The following FRAS1 variants were observed in gnomAD, a reference collection of about 807,000 sequenced individuals.
FRAS1 encodes the protein Fraser extracellular matrix complex subunit 1, also known as extracellular matrix organizing protein FRAS1.
Under a neutral mutation model 435.2 loss-of-function variants are expected in FRAS1, and 290 were observed. That is an observed-to-expected ratio of 0.67 (90% confidence interval 0.61 to 0.73). FRAS1 has a LOEUF of 0.73. FRAS1 is among the 30% of genes least tolerant of loss of function. The pLI is 0.00. For synonymous variants in FRAS1, 1,800 were observed against 1,851.0 expected, an observed-to-expected ratio of 0.97 and a Z score of 0.71; for missense variants, 4,860 against 5,001.5, an observed-to-expected ratio of 0.97 and a Z score of 0.85.
intron 2 of FRAS1, among the ~76,000 whole-genome samples, chr4:78,069,300 C>A (rs1259118733): frequency 1.3e-5 from 2 of 152,188 alleles, no homozygotes; most frequent in African/African-American, 2.4e-5. Context: ...TTGAAAATGG[C>A]AAAGCCTCAG....
intron 12 of FRAS1, 104 bp from the exon 13 acceptor site, chr4:78,284,301 G>A: frequency 1.5e-6 from 1 of 663,956 alleles, no homozygotes; most frequent in Non-Finnish European, 2.2e-6. Context: ...TGTTCTTCAT[G>A]TTCTATGTAA....
At chr4:78,478,572 G>C (rs572113876) in intron 55 of FRAS1, among the ~76,000 whole-genome samples, 2 of 152,174 alleles carry the variant, frequency 1.3e-5, no homozygotes, top group South Asian at 2.1e-4. Flanking sequence ...CATAGTAATT[G>C]TGCATGTTGA....
At chr4:78,100,233 T>C (rs1742053254) in intron 2 of FRAS1, among the ~76,000 whole-genome samples, 1 of 152,206 alleles carries the variant, frequency 6.6e-6, no homozygotes, top group South Asian at 2.1e-4. Flanking sequence ...AATGACCTGG[T>C]TGACCTCTCC....
intron 2 of FRAS1, among the ~76,000 whole-genome samples, chr4:78,134,109 C>T (rs1279841373): frequency 2.0e-5 from 3 of 151,968 alleles, no homozygotes; most frequent in African/African-American, 7.3e-5. Context: ...CAGGCGCCCA[C>T]CACCATGCCT....
At chr4:78,497,866 A>G (rs555021906) in intron 60 of FRAS1, among the ~76,000 whole-genome samples, 60 of 152,212 alleles carry the variant, frequency 3.9e-4, no homozygotes, top group Non-Finnish European at 7.2e-4. Context: ...TCAAAGTTGA[A>G]TTAGTCCTTG....
At chr4:78,226,896 A>G (rs1166257484) in intron 2 of FRAS1, among the ~76,000 whole-genome samples, 1 of 151,990 alleles carries the variant, frequency 6.6e-6, no homozygotes, top group South Asian at 2.1e-4. Flanking sequence ...TTTCTGCTTC[A>G]GTTTAGATAT....
intron 2 of FRAS1, among the ~76,000 whole-genome samples, chr4:78,235,144 G>A (rs1171550243): frequency 1.3e-5 from 2 of 152,146 alleles, no homozygotes; most frequent in African/African-American, 4.8e-5. Flanking sequence ...GATTGGATGA[G>A]TCCACCCATA....
rs563154908 is a variant in FRAS1 at position 78,259,534 on chromosome 4, G to A, written c.603+4159G>A. 4.5e-4 allele frequency among the ~76,000 whole-genome samples: 68 copies of A among 151,950 alleles called. 2 individuals are homozygous for A. In the South Asian group the frequency reaches 8.6e-3, roughly 19 times the overall value. Reference sequence around the variant, plus strand: ...TGAGAAGTGTCTGTTCATGTCCTTCGCTCACTTTTTGATAGGGTTGTTTGT... The same window carrying A: ...TGAGAAGTGTCTGTTCATGTCCTTCACTCACTTTTTGATAGGGTTGTTTGT... On this transcript the variant is annotated intron_variant, in intron 6 of 73. Coordinates refer to ENST00000512123, the MANE Select transcript of FRAS1 (RefSeq NM_025074.7).
chr4:78,166,224 C>T (rs983016471), intron 2 of FRAS1, among the ~76,000 whole-genome samples: 21 of 152,076 alleles, frequency 1.4e-4, no homozygotes, highest in African/African-American at 4.8e-4. Flanking sequence ...AAAATAAAGA[C>T]ACCCTTGAGG....
intron 2 of FRAS1, among the ~76,000 whole-genome samples, chr4:78,094,195 A>T (rs1741677914): frequency 6.6e-6 from 1 of 150,920 alleles, no homozygotes; most frequent in Non-Finnish European, 1.5e-5. Flanking sequence ...TATATTTTCA[A>T]AGAACTCTAG....
At chr4:78,283,744 CTTAA>C (rs1051463214) in intron 12 of FRAS1, among the ~76,000 whole-genome samples, 1 of 152,148 alleles carries the variant, frequency 6.6e-6, no homozygotes, top group Admixed American at 6.5e-5. Context: ...AACTTTATGG[CTTAA>C]TTATGTTACC....
rs137992303 is a variant in FRAS1 at position 78,253,688 on chromosome 4, C to T, written c.469+1137C>T. On this transcript the variant is annotated intron_variant, in intron 5 of 73. Coordinates refer to ENST00000512123, the MANE Select transcript of FRAS1 (RefSeq NM_025074.7). ...CTTGCACTTGGAAGGGCGCAGTGTC[C>T]CAGAGAGTGAGATTGGAACAAATCC... 2.0e-3 allele frequency among the ~76,000 whole-genome samples: 306 copies of T among 152,140 alleles called. 2 individuals carry two copies. Among genetic ancestry groups the T allele is most frequent in the African/African-American group, 7.0e-3 (290 of 41,520 alleles).
At chr4:78,170,664 C>A (rs189760545) in intron 2 of FRAS1, among the ~76,000 whole-genome samples, 88 of 152,182 alleles carry the variant, frequency 5.8e-4, no homozygotes, top group Non-Finnish European at 8.4e-4. Context: ...TGAGGAAATG[C>A]CCGAATGCAT....
chr4:78,372,688 A>C (rs777187135), intron 23 of FRAS1, 30 bp from the exon 24 acceptor site: 75 of 1,610,568 alleles, frequency 4.7e-5, no homozygotes, highest in Admixed American at 1.2e-4. Flanking sequence ...GACAGAAAGG[A>C]AGATAATCTA....
intron 2 of FRAS1, among the ~76,000 whole-genome samples, chr4:78,123,483 G>A (rs1405574332): frequency 6.6e-6 from 1 of 151,892 alleles, no homozygotes; most frequent in Admixed American, 6.6e-5. Context: ...TCCATATGAA[G>A]TTTTAAGTAG....
chr4:78,181,221 C>A, intron 2 of FRAS1: 1 of 1,609,892 alleles, frequency 6.2e-7, no homozygotes, highest in Non-Finnish European at 8.5e-7. Context: ...TTCCACTCAT[C>A]CAAAGTCATC....
intron 2 of FRAS1, chr4:78,072,125 T>C (rs947793617): frequency 2.0e-5 from 3 of 152,136 alleles, no homozygotes; most frequent in African/African-American, 7.2e-5. Flanking sequence ...ATTGTACATA[T>C]TCCATTAAAA....
intron 41 of FRAS1, chr4:78,444,308 G>A (rs762700864): frequency 1.8e-4 from 44 of 245,682 alleles, no homozygotes; most frequent in African/African-American, 8.4e-4. Context: ...GTCACTGGCC[G>A]CTTAGACCTC....
At chr4:78,163,086 TTCATGTATTGCTG>T (rs1721204690) in intron 2 of FRAS1, among the ~76,000 whole-genome samples, 1 of 152,216 alleles carries the variant, frequency 6.6e-6, no homozygotes, top group Admixed American at 6.5e-5. Context: ...TTGTCAACAT[TTCATGTATTGCTG>T]TTCTCTAGAA....
Sources: gnomAD v4.1 joint callset for allele counts (sites outside exome capture counted in the v4.1 genomes callset) on GRCh38, gnomAD v4.1.1 for gene constraint, MANE v1.5 for transcripts, NCBI Gene and HGNC (gene_info 2026-07-23, HGNC 2026-07-21) for gene names.